CSMD1: variants seen among roughly 807,000 people sequenced by gnomAD.
CSMD1 encodes the protein CUB and Sushi multiple domains 1, also known as CUB and sushi domain-containing protein 1.
A neutral mutation model predicts 417.5 loss-of-function variants in CSMD1; 213 were observed. The observed-to-expected ratio is 0.51, with a 90% CI of 0.46 to 0.57. The LOEUF (loss-of-function observed/expected upper bound fraction) is 0.57. Among genes scored for constraint, CSMD1 ranks in the 20% least tolerant of loss-of-function variants. CSMD1 has a pLI of 0.00. For missense variants in CSMD1, 6,923 were observed against 4,529.7 expected (o/e 1.53, Z -15.17); for synonymous variants, 2,862 against 1,736.8 (o/e 1.65, Z -16.11).
intron 3 of CSMD1, among the ~76,000 whole-genome samples, chr8:4,400,471 G>A (rs1158339238): frequency 3.9e-5 from 6 of 152,136 alleles, no homozygotes; most frequent in Admixed American, 2.6e-4. Flanking sequence ...TTTGCTCCAC[G>A]CAAATTCTTG....
chr8:2,962,435 G>A, intron 61 of CSMD1, 31 bp downstream of exon 61: 3 of 1,581,964 alleles, frequency 1.9e-6, no homozygotes, highest in African/African-American at 1.3e-5. Context: ...AATACTCCCA[G>A]GTATCCCCAG....
intron 1 of CSMD1, among the ~76,000 whole-genome samples, chr8:4,847,559 A>T (rs1801212225): frequency 6.6e-6 from 1 of 152,166 alleles, no homozygotes; most frequent in African/African-American, 2.4e-5. Context: ...ATATTTTATT[A>T]AAGAGTCCAT....
chr8:4,321,649 G>C (rs944702425), intron 3 of CSMD1, among the ~76,000 whole-genome samples: 1 of 152,114 alleles, frequency 6.6e-6, no homozygotes, highest in Non-Finnish European at 1.5e-5. Flanking sequence ...AAGTTTAATA[G>C]TGGTAAAGAT....
chr8:3,160,522 G>T (rs571722508), intron 38 of CSMD1, among the ~76,000 whole-genome samples: 1 of 152,118 alleles, frequency 6.6e-6, no homozygotes, highest in Non-Finnish European at 1.5e-5. Flanking sequence ...ACTTACTGAG[G>T]TATCCCAACT....
rs561767929 is a variant in CSMD1 at position 2,942,527 on chromosome 8, C to G, written c.10480G>C (p.Val3494Leu). The change falls in exon 69 of 70, where the codon GTT (valine) becomes CTT (leucine). Residue 3494 changes from valine to leucine, a missense_variant. Transcript: ENST00000635120. The part of the protein sequence containing the change: ...SSGSVAAAIL[V>L]PFFALILSGF... Reference sequence around the variant, plus strand: ...GATAAAATTAGAGCAAAGAAAGGAACCAGAATGGCAGCCGCCACAGAGCCA... The same window carrying G: ...GATAAAATTAGAGCAAAGAAAGGAAGCAGAATGGCAGCCGCCACAGAGCCA... 29 of 1,611,222 alleles carry G rather than the reference C, an allele frequency of 1.8e-5. No individual in the cohort carries two copies. The African/African-American group carries it at 3.7e-4, about 21-fold the overall frequency.
At chr8:3,789,334 G>A (rs114000181) in intron 5 of CSMD1, among the ~76,000 whole-genome samples, 2 of 150,248 alleles carry the variant, frequency 1.3e-5, no homozygotes, top group East Asian at 2.0e-4. Context: ...GACTAATACA[G>A]AGAATAATGT....
intron 30 of CSMD1, among the ~76,000 whole-genome samples, chr8:3,206,073 T>A (rs1197570868): frequency 6.6e-6 from 1 of 152,218 alleles, no homozygotes; most frequent in Non-Finnish European, 1.5e-5. Flanking sequence ...GGGGATTTTC[T>A]TTGTTTTAAC....
At chr8:3,564,219 C>T (rs902007100) in intron 10 of CSMD1, among the ~76,000 whole-genome samples, 2 of 152,112 alleles carry the variant, frequency 1.3e-5, no homozygotes, top group Non-Finnish European at 2.9e-5. Flanking sequence ...TTTTCCTACT[C>T]TACTATTGAA....
chr8:3,065,016 C>T (rs2128995593), intron 49 of CSMD1, among the ~76,000 whole-genome samples: 1 of 152,218 alleles, frequency 6.6e-6, no homozygotes, highest in Admixed American at 6.5e-5. Flanking sequence ...GCCCATGCTT[C>T]CTTCTCCAGT....
intron 12 of CSMD1, among the ~76,000 whole-genome samples, chr8:3,425,170 CAATT>C (rs1813753690): frequency 1.3e-5 from 2 of 152,144 alleles, no homozygotes; most frequent in Non-Finnish European, 2.9e-5. Flanking sequence ...TCTAGCCTGT[CAATT>C]AAACTTTATC....
intron 21 of CSMD1, among the ~76,000 whole-genome samples, chr8:3,354,291 T>A (rs917403357): frequency 6.6e-6 from 1 of 152,178 alleles, no homozygotes; most frequent in Admixed American, 6.6e-5. Context: ...TTTCTTAACA[T>A]AATGGCTGGA....
At chr8:3,036,179 A>G (rs1418512844) in intron 50 of CSMD1, among the ~76,000 whole-genome samples, 1 of 152,314 alleles carries the variant, frequency 6.6e-6, no homozygotes, top group East Asian at 1.9e-4. Flanking sequence ...TTTGGCCGTG[A>G]GTAATTCTGA....
intron 25 of CSMD1, among the ~76,000 whole-genome samples, chr8:3,297,520 A>C (rs1269548273): frequency 6.6e-6 from 1 of 152,196 alleles, no homozygotes; most frequent in African/African-American, 2.4e-5. Flanking sequence ...GCATAGATCT[A>C]GTTGTCTCGT....
At chr8:4,460,589 G>C (rs561943976) in intron 2 of CSMD1, among the ~76,000 whole-genome samples, 1 of 150,186 alleles carries the variant, frequency 6.7e-6, no homozygotes, top group South Asian at 2.1e-4. Flanking sequence ...AAATAAAGAA[G>C]TCTCAAATTA....
Position 3,983,441 on chromosome 8 carries a change from C to A in CSMD1, c.818+14462G>T, listed in dbSNP as rs369340978. ...CACCGCGCCCGGCCGCAGCCTCCCA[C>A]ATCTAAAATTACCTATAAGTCACCA... On this transcript the variant is annotated intron_variant, in intron 5 of 69. Transcript: ENST00000635120. Among the ~76,000 whole-genome samples the A allele has an allele frequency of 7.9e-5, 12 of 152,176 alleles. No homozygotes were observed. The South Asian group carries it at 2.5e-3, about 32-fold the overall frequency.
intron 1 of CSMD1, among the ~76,000 whole-genome samples, chr8:4,827,239 T>C (rs1393107488): frequency 6.6e-6 from 1 of 152,152 alleles, no homozygotes; most frequent in Admixed American, 6.6e-5. Context: ...ACAGGTATTT[T>C]TGTAATCCAA....
intron 1 of CSMD1, among the ~76,000 whole-genome samples, chr8:4,983,784 T>A (rs2117444308): frequency 6.6e-6 from 1 of 152,130 alleles, no homozygotes; most frequent in South Asian, 2.1e-4. Context: ...TAATAATTTT[T>A]AAACATAGTA....
At chr8:3,720,569 A>C (rs1802096536) in intron 6 of CSMD1, among the ~76,000 whole-genome samples, 1 of 151,320 alleles carries the variant, frequency 6.6e-6, no homozygotes, top group Admixed American at 6.6e-5. Context: ...CAGGGGTGAC[A>C]CTTCACAGTA....
chr8:4,148,295 A>C (rs1453596360), intron 3 of CSMD1, among the ~76,000 whole-genome samples: 1 of 146,602 alleles, frequency 6.8e-6, no homozygotes, highest in Non-Finnish European at 1.5e-5. Flanking sequence ...ACATGTTCTC[A>C]CTCATAGGTG....
Sources: gnomAD v4.1 joint callset for allele counts (sites outside exome capture counted in the v4.1 genomes callset) on GRCh38, gnomAD v4.1.1 for gene constraint, MANE v1.5 for transcripts, NCBI Gene and HGNC (gene_info 2026-07-23, HGNC 2026-07-21) for gene names.